Variants in ZNF10 observed in about 807,000 individuals in gnomAD.
ZNF10 encodes zinc finger protein 10 (KOX 1).
In ZNF10, 8 loss-of-function variants were observed where a neutral mutation model predicts 12.2. The observed-to-expected ratio is 0.66, with a 90% CI of 0.39 to 1.18. The LOEUF is 1.18. ZNF10 is among the 50% of genes most tolerant of loss of function. The pLI is 0.01. For missense variants in ZNF10, 603 were observed against 678.9 expected (o/e 0.89, Z 1.24); for synonymous variants, 229 against 228.2 (o/e 1.00, Z -0.03).
chr12:133,142,986 C>A (rs1041356732), intron 1 of ZNF10, among the ~76,000 whole-genome samples: 4 of 152,138 alleles, frequency 2.6e-5, no homozygotes, highest in Non-Finnish European at 5.9e-5. Context: ...AATGTAGTCT[C>A]TACACAGTGG....
chr12:133,148,109 A>G (rs1593844271), intron 2 of ZNF10, among the ~76,000 whole-genome samples: 1 of 151,706 alleles, frequency 6.6e-6, no homozygotes, highest in Non-Finnish European at 1.5e-5. Context: ...CACTTTGTCA[A>G]TTTTCTATTT....
chr12:133,144,504 G>C lies in ZNF10; in HGVS notation c.12G>C (p.Lys4Asn). MDA[K>N]SLTAWSRTLV... ...AGAACAAGGAGGGCATGGATGCTAA[G>C]TCACTAACTGCCTGGTCCCGGGTAA... Residue 4 changes from lysine to asparagine, a missense_variant, in exon 2 of 5, where the codon AAG (lysine) becomes AAC (asparagine). By Grantham distance (94) the Lys-to-Asn change is moderately conservative. Transcript: ENST00000248211. 1.2e-6 allele frequency: 2 copies of C among 1,614,034 alleles called. No homozygotes were observed. The highest frequency in any genetic ancestry group is 1.7e-6 in the Non-Finnish European group (2 of 1,179,942).
At chr12:133,149,392 C>G (rs1955995205) in intron 2 of ZNF10, among the ~76,000 whole-genome samples, 1 of 114,224 alleles carries the variant, frequency 8.8e-6, no homozygotes. Context: ...GGTTCTCACT[C>G]TGTTGCACAG....
At chr12:133,132,767 A>G (rs894482840) in intron 1 of ZNF10, among the ~76,000 whole-genome samples, 6 of 152,130 alleles carry the variant, frequency 3.9e-5, no homozygotes, top group Non-Finnish European at 7.3e-5. Context: ...TTTCCACACA[A>G]TATCTCCTTG....
At chr12:133,155,076 CA>C (rs11340550) in intron 4 of ZNF10, among the ~76,000 whole-genome samples, 10,793 of 114,716 alleles carry the variant, frequency 0.094, 594 homozygotes, top group African/African-American at 0.2. Flanking sequence ...GAAACTGTCT[CA>C]AAAAAAAAAA....
At chr12:133,142,410 CAA>C (rs370374280) in intron 1 of ZNF10, among the ~76,000 whole-genome samples, 11 of 108,638 alleles carry the variant, frequency 1.0e-4, no homozygotes, top group Non-Finnish European at 1.1e-4. Context: ...ACTCCGTCTC[CAA>C]AAAAAAAAAA....
At position 133,151,826 on chromosome 12, in the gene ZNF10, C is replaced by A; in HGVS notation, c.178C>A (p.Pro60Thr). ...GTGAACAGGTTATCAGCTTACTAAG[C>A]CAGATGTGATCCTCCGGTTGGAGAA... is the stretch of plus-strand genomic sequence containing the variant. ...LVSLGYQLTK[P>T]DVILRLEKGE... The change falls in exon 4 of 5, where the codon CCA (proline) becomes ACA (threonine). Residue 60 changes from proline (P) to threonine (T), a missense_variant. Around this residue, in one of 3 missense-constraint regions of ZNF10, gnomAD observed 393 missense variants for 399.7 expected, o/e 0.98. Transcript: ENST00000248211. 6.2e-7 allele frequency: 1 copy of A among 1,613,326 alleles called. No homozygotes were observed. Among genetic ancestry groups the A allele is most frequent in the Non-Finnish European group, 8.5e-7 (1 of 1,179,514 alleles).
intron 4 of ZNF10, among the ~76,000 whole-genome samples, chr12:133,152,920 CT>C (rs1315707281): frequency 2.0e-5 from 3 of 152,122 alleles, no homozygotes; most frequent in Non-Finnish European, 4.4e-5. Flanking sequence ...TAAATCTCTA[CT>C]TTGAAATATT....
At chr12:133,150,541 G>A (rs145003661) in intron 2 of ZNF10, among the ~76,000 whole-genome samples, 226 of 149,856 alleles carry the variant, frequency 1.5e-3, no homozygotes, top group African/African-American at 5.1e-3. Context: ...TTTTGCTACT[G>A]CTAAAATATA....
At chr12:133,133,642 A>G (rs549797922) in intron 1 of ZNF10, among the ~76,000 whole-genome samples, 30 of 152,330 alleles carry the variant, frequency 2.0e-4, no homozygotes, top group African/African-American at 7.2e-4. Context: ...ATGGCATTAA[A>G]GTGATCCTTA....
intron 1 of ZNF10, among the ~76,000 whole-genome samples, chr12:133,140,475 A>C: frequency 6.9e-6 from 1 of 144,364 alleles, no homozygotes; most frequent in African/African-American, 2.6e-5. Flanking sequence ...GTCAGGCACC[A>C]TTCTATGTTT....
Position 133,156,826 on chromosome 12 carries a change from G to A in ZNF10, c.1580G>A (p.Ser527Asn). 1 of 1,541,994 alleles carries A rather than the reference G, an allele frequency of 6.5e-7. No homozygotes were observed. The highest frequency in any genetic ancestry group is 8.7e-7 in the Non-Finnish European group (1 of 1,148,624). ...TGTAATCAATGTGGCATTATCTTCA[G>A]CCAGAACTCTCCATTTATAGTTCAT... ...YKCNQCGIIF[S>N]QNSPFIVHQI... is the part of the protein sequence containing the mutation. The change falls in exon 5 of 5, where the codon AGC becomes AAC. Residue 527 changes from serine to asparagine, a missense_variant. By Grantham distance (46) the Ser-to-Asn change is conservative. This residue lies in a region of ZNF10 where 204 missense variants were observed against 262.8 expected (regional missense o/e 0.78). Transcript: ENST00000248211.
chr12:133,133,187 A>G (rs1955890567), intron 1 of ZNF10, among the ~76,000 whole-genome samples: 1 of 152,116 alleles, frequency 6.6e-6, no homozygotes, highest in South Asian at 2.1e-4. Flanking sequence ...TGCCATGTCT[A>G]TTGGTTACCG....
rs1956052244 is a variant in ZNF10 at position 133,157,916 on chromosome 12, T to G, written c.*948T>G. On this transcript the variant is annotated 3_prime_UTR_variant, in exon 5 of 5. Coordinates refer to ENST00000248211, the MANE Select transcript of ZNF10 (RefSeq NM_015394.5). ...GAACATATCAGGGAGGGTCCCCATT[T>G]TAGTGGGAACAAGTATTTAAACAAT... 6.6e-6 allele frequency: 1 copy of G among 152,212 alleles called. No individual in the cohort carries two copies. The highest frequency in any genetic ancestry group is 2.4e-5 in the African/African-American group (1 of 41,444). The allele number at this position is 152,212 out of a possible 1,614,324, so 9.4% of individuals were successfully genotyped here. A position where few individuals can be genotyped will look rare whatever the true frequency, so the allele number is the denominator to read the frequency against.
Position 133,151,852 on chromosome 12 carries a change from G to C in ZNF10, c.204G>C (p.Lys68Asn), listed in dbSNP as rs1167669419. 1.9e-6 allele frequency: 3 copies of C among 1,613,472 alleles called. No individual in the cohort carries two copies. Among genetic ancestry groups the C allele is most frequent in the South Asian group, 2.2e-5 (2 of 91,082 alleles). The part of the protein sequence containing the change: ...TKPDVILRLE[K>N]GEEPWLVERE... ...CAGATGTGATCCTCCGGTTGGAGAA[G>C]GGAGAAGAGCCCTGGCTGGTGGAGA... The change falls in exon 4 of 5, where the codon AAG becomes AAC. Residue 68 changes from lysine (K) to asparagine (N), a missense_variant. Around this residue, in one of 3 missense-constraint regions of ZNF10, gnomAD observed 393 missense variants for 399.7 expected, o/e 0.98. Coordinates refer to ENST00000248211, the MANE Select transcript of ZNF10 (RefSeq NM_015394.5).
chr12:133,133,119 A>G (rs1955890234), intron 1 of ZNF10, among the ~76,000 whole-genome samples: 1 of 152,144 alleles, frequency 6.6e-6, no homozygotes, highest in Non-Finnish European at 1.5e-5. Flanking sequence ...TTAAGTGTAC[A>G]TTTGCTGAGT....
chr12:133,151,816 G>A lies in ZNF10; in HGVS notation c.168G>A (p.Gln56=). 1 of 1,613,288 alleles carries A rather than the reference G, an allele frequency of 6.2e-7. No individual in the cohort carries two copies. The highest frequency in any genetic ancestry group is 8.5e-7 in the Non-Finnish European group (1 of 1,179,506). Reference sequence around the variant, plus strand: ...GTCTTTCACTGTGAACAGGTTATCAGCTTACTAAGCCAGATGTGATCCTCC... The same window carrying A: ...GTCTTTCACTGTGAACAGGTTATCAACTTACTAAGCCAGATGTGATCCTCC... ...NYKNLVSLGY[Q]LTKPDVILRL... The change falls in exon 4 of 5, where the codon CAG becomes CAA. Residue 56 remains glutamine (Q), a synonymous_variant. Transcript: ENST00000248211.
intron 3 of ZNF10, among the ~76,000 whole-genome samples, chr12:133,151,571 G>T (rs1450740135): frequency 6.6e-6 from 1 of 152,188 alleles, no homozygotes; most frequent in Non-Finnish European, 1.5e-5. Context: ...TTGAACCCCG[G>T]AAGTGGAGGT....
At chr12:133,149,942 C>G (rs1244558424) in intron 2 of ZNF10, among the ~76,000 whole-genome samples, 1 of 152,098 alleles carries the variant, frequency 6.6e-6, no homozygotes, top group Non-Finnish European at 1.5e-5. Flanking sequence ...TTACAGTCCA[C>G]TTAGAGTTAA....
Sources: allele counts gnomAD v4.1 joint callset (sites outside exome capture counted in the v4.1 genomes callset), GRCh38; gene constraint gnomAD v4.1.1; regional missense constraint gnomAD v4.1.1; transcripts MANE v1.5; gene names NCBI Gene and HGNC (gene_info 2026-07-23, HGNC 2026-07-21).